The following PLCL2 variants were observed in gnomAD, a reference collection of about 807,000 sequenced individuals.
PLCL2 encodes phospholipase C like 2, also known as inactive phospholipase C-like protein 2.
A neutral mutation model predicts 79.6 loss-of-function variants in PLCL2; 4 were observed. That is an observed-to-expected ratio of 0.05 (90% CI 0.02 to 0.11). The LOEUF (loss-of-function observed/expected upper bound fraction) is 0.11. PLCL2 is among the 10% of genes least tolerant of loss of function. The pLI, the probability that PLCL2 is intolerant of heterozygous loss-of-function variation, is 1.00. For synonymous variants in PLCL2, 484 were observed against 457.7 expected (o/e 1.06, Z -0.73); for missense variants, 895 against 1,291.0 (o/e 0.69, Z 4.70).
In PLCL2 at chr3:16,886,918, T is replaced by G. The variant is rs1696237788; in HGVS notation, c.327+1552T>G. Among the ~76,000 whole-genome samples, 1 of 152,234 alleles carries G rather than the reference T, an allele frequency of 6.6e-6. No individual in the cohort carries two copies. Among genetic ancestry groups the G allele is most frequent in the African/African-American group, 2.4e-5 (1 of 41,466 alleles). On this transcript the variant is annotated intron_variant, in intron 1 of 5. Transcript: ENST00000615277. This position sits in a 1 kb window ranked among gnomAD's most constrained non-coding sequence, Gnocchi z 4.2. ...CCAAAGAAGATACCAGCCTACCTAA[T>G]TTTAACCCCTTTCTTTTAATTGTTT...
At chr3:16,955,169 G>T (rs1453203542) in intron 1 of PLCL2, among the ~76,000 whole-genome samples, 6 of 152,104 alleles carry the variant, frequency 3.9e-5, no homozygotes, top group East Asian at 3.8e-4. Context: ...GGTCTAACAT[G>T]TAAGTCTTTA....
At chr3:17,026,988 G>T (rs1198736979) in intron 3 of PLCL2, among the ~76,000 whole-genome samples, 1 of 152,096 alleles carries the variant, frequency 6.6e-6, no homozygotes, top group Non-Finnish European at 1.5e-5. Flanking sequence ...AACTGGGATG[G>T]TACGAATTTT....
At chr3:17,008,450 G>A (rs757706012) in intron 1 of PLCL2, among the ~76,000 whole-genome samples, 8 of 151,894 alleles carry the variant, frequency 5.3e-5, no homozygotes, top group Non-Finnish European at 1.0e-4. Context: ...AGCCCAAGTA[G>A]TCAGGAAATG....
At chr3:17,082,844 A>G (rs2065177886) in intron 5 of PLCL2, among the ~76,000 whole-genome samples, 1 of 152,252 alleles carries the variant, frequency 6.6e-6, no homozygotes, top group Admixed American at 6.5e-5. Context: ...GATTGTATTT[A>G]CATTAAAAGT....
rs113812336 is a variant in PLCL2 at position 17,007,222 on chromosome 3, C to T, written c.328-2452C>T. 7.5e-3 allele frequency among the ~76,000 whole-genome samples: 1,133 copies of T among 152,066 alleles called. 18 individuals carry two copies. The highest frequency in any genetic ancestry group is 0.026 in the African/African-American group (1,082 of 41,470). On this transcript the variant is annotated intron_variant, in intron 1 of 5. Transcript: ENST00000615277. ...TAATCCTAGCACTTTGGGAGGCTGA[C>T]GCAGACGGATCACGAGGTCAGGAGA...
chr3:17,032,508 T>C (rs2064594572), intron 3 of PLCL2, among the ~76,000 whole-genome samples: 1 of 152,168 alleles, frequency 6.6e-6, no homozygotes, highest in Admixed American at 6.6e-5. Flanking sequence ...GATGTGCTTT[T>C]TTATTTTTTG....
At chr3:16,973,632 A>T (rs557002402) in intron 1 of PLCL2, among the ~76,000 whole-genome samples, 2 of 152,224 alleles carry the variant, frequency 1.3e-5, no homozygotes, top group Non-Finnish European at 2.9e-5. Flanking sequence ...GATCAGGAAG[A>T]ATCACCAGGG....
At chr3:16,915,732 A>G (rs764252177) in intron 1 of PLCL2, among the ~76,000 whole-genome samples, 4 of 152,192 alleles carry the variant, frequency 2.6e-5, no homozygotes, top group Non-Finnish European at 5.9e-5. Flanking sequence ...TTTGTTTCTT[A>G]AAAGGTTATT....
intron 4 of PLCL2, among the ~76,000 whole-genome samples, chr3:17,060,899 TTTTAA>T (rs1377258269): frequency 6.6e-6 from 1 of 152,192 alleles, no homozygotes; most frequent in African/African-American, 2.4e-5. Flanking sequence ...TAGCTTTTGC[TTTTAA>T]TTTGTTTTTT....
chr3:16,933,191 A>C (rs946325932), intron 1 of PLCL2: 2 of 154,862 alleles, frequency 1.3e-5, no homozygotes, highest in East Asian at 3.8e-4. Flanking sequence ...AGCAGACCCG[A>C]GAGAGAAGGC....
chr3:16,904,187 CA>C (rs1696695951), intron 1 of PLCL2, among the ~76,000 whole-genome samples: 1 of 152,036 alleles, frequency 6.6e-6, no homozygotes, highest in East Asian at 1.9e-4. Context: ...TTAGTTTTGT[CA>C]AGTCTGCTGG....
At position 17,011,195 on chromosome 3, in the gene PLCL2, G is replaced by A. The variant is rs1290766841; in HGVS notation, c.1849G>A (p.Glu617Lys). The change falls in exon 2 of 6, where the codon GAA becomes AAA. Residue 617 changes from glutamate (E) to lysine (K), a missense_variant. By Grantham distance (56) the Glu-to-Lys change is moderately conservative. Coordinates refer to ENST00000615277, the MANE Select transcript of PLCL2 (RefSeq NM_001144382.2). The surrounding 1 kb of genome is among the most constrained non-coding windows in gnomAD (Gnocchi z 7.9). The stretch of plus-strand genomic sequence containing the variant: ...TGTGAAGCGATTTCAGCTTTGTAAA[G>A]AACTGTCTGAACTGGTCAGCATCTG... ...VPVKRFQLCK[E>K]LSELVSICKS... is the part of the protein sequence containing the mutation. The A allele has an allele frequency of 6.2e-7, 1 of 1,614,208 alleles. No individual in the cohort carries two copies. Among genetic ancestry groups the A allele is most frequent in the South Asian group, 1.1e-5 (1 of 91,090 alleles).
At chr3:17,021,595 TACAC>T (rs35902619) in intron 3 of PLCL2, among the ~76,000 whole-genome samples, 2,802 of 146,426 alleles carry the variant, frequency 0.019, 53 homozygotes, top group Admixed American at 0.051. Flanking sequence ...AAAGTATTCT[TACAC>T]ACACACACAC....
intron 5 of PLCL2, among the ~76,000 whole-genome samples, chr3:17,083,706 G>A (rs2065186931): frequency 6.6e-6 from 1 of 152,206 alleles, no homozygotes; most frequent in Non-Finnish European, 1.5e-5. Flanking sequence ...TTTGAAGATT[G>A]TGACACTAGG....
chr3:17,023,459 G>A (rs2064478345), intron 3 of PLCL2, among the ~76,000 whole-genome samples: 1 of 152,172 alleles, frequency 6.6e-6, no homozygotes, highest in Non-Finnish European at 1.5e-5. Context: ...AGTCTTTCCT[G>A]TGCTATTCTT....
chr3:17,089,183 A>T (rs1306220925), intron 5 of PLCL2, among the ~76,000 whole-genome samples: 1 of 152,144 alleles, frequency 6.6e-6, no homozygotes, highest in Non-Finnish European at 1.5e-5. Context: ...CACGGTGGTT[A>T]CGTGAACCCA....
At chr3:16,926,215 C>T (rs1697246334) in intron 1 of PLCL2, among the ~76,000 whole-genome samples, 1 of 152,158 alleles carries the variant, frequency 6.6e-6, no homozygotes, top group Non-Finnish European at 1.5e-5. Context: ...ATTTAATCAG[C>T]TTTAAGTTGC....
intron 1 of PLCL2, among the ~76,000 whole-genome samples, chr3:16,972,394 A>AGTTT (rs2063880565): frequency 6.6e-6 from 1 of 152,146 alleles, no homozygotes; most frequent in Non-Finnish European, 1.5e-5. Context: ...AATTTGCTGA[A>AGTTT]GTTTGTTTCA....
At chr3:17,039,255 T>A (rs1418689731) in intron 3 of PLCL2, among the ~76,000 whole-genome samples, 2 of 152,208 alleles carry the variant, frequency 1.3e-5, no homozygotes, top group African/African-American at 4.8e-5. Flanking sequence ...CTCAGTGCCA[T>A]GTGCACTACA....
Sources: allele counts gnomAD v4.1 joint callset (sites outside exome capture counted in the v4.1 genomes callset), GRCh38; gene constraint gnomAD v4.1.1; non-coding constraint Gnocchi (gnomAD v3.1); transcripts MANE v1.5; gene names NCBI Gene and HGNC (gene_info 2026-07-23, HGNC 2026-07-21).